The following ZNF827 variants were observed in gnomAD, a reference collection of about 807,000 sequenced individuals.
ZNF827 encodes zinc finger protein 827.
In ZNF827, 13 loss-of-function variants were observed where a neutral mutation model predicts 102.4. The observed-to-expected ratio is 0.13, with a 90% CI of 0.08 to 0.20. The LOEUF (loss-of-function observed/expected upper bound fraction) is 0.20. Ranked by LOEUF, ZNF827 falls within the 10% of genes least tolerant of loss-of-function variation. The pLI is 1.00. For synonymous variants in ZNF827, 523 were observed against 536.2 expected, an observed-to-expected ratio of 0.98 and a Z score of 0.34; for missense variants, 1,103 against 1,344.4, an observed-to-expected ratio of 0.82 and a Z score of 2.81.
rs558344118 is a variant in ZNF827, at chr4:145,885,359, A to C, written c.1747+319T>G. On this transcript the variant is annotated intron_variant, in intron 4 of 14. Coordinates refer to ENST00000508784, the MANE Select transcript of ZNF827 (RefSeq NM_001306215.2). ...GCCCAATGTCACACAAGCAACTGAC[A>C]CAAGCCTGGCTTACCATGTGACCAT... Among the ~76,000 whole-genome samples, 474 of 152,258 alleles carry C rather than the reference A, an allele frequency of 3.1e-3. 3 individuals carry two copies. Among genetic ancestry groups the C allele is most frequent in the Non-Finnish European group, 5.0e-3 (342 of 68,026 alleles).
rs1326672575 is a variant in ZNF827 at position 145,870,400 on chromosome 4, G to A, written c.1826C>T (p.Thr609Ile). Residue 609 changes from threonine (T) to isoleucine (I), a missense_variant, in exon 5 of 15, where the codon ACT (threonine) becomes ATT (isoleucine). Thr to Ile is a moderately conservative substitution (Grantham distance 89, BLOSUM62 -1). This residue lies in a region of ZNF827 where 243 missense variants were observed against 251.6 expected (regional missense o/e 0.97). Coordinates refer to ENST00000508784, the MANE Select transcript of ZNF827 (RefSeq NM_001306215.2). Reference protein sequence around the residue: ...EPKEGESLSTTLPRSSYVFSP... With the variant: ...EPKEGESLSTILPRSSYVFSP... ...GAACACATAGCTGGACCGAGGCAAA[G>A]TCGTGCTTAGGGACTCCCCTTCCTT... 8 of 1,614,012 alleles carry A rather than the reference G, an allele frequency of 5.0e-6. No homozygotes were observed. The highest frequency in any genetic ancestry group is 6.8e-6 in the Non-Finnish European group (8 of 1,180,032).
rs1419896452 is a variant in ZNF827 at position 145,762,462 on chromosome 4, CCTCTGCATT to C, written c.*17+619_*17+627del. Among the ~76,000 whole-genome samples, 1 of 152,208 alleles carries C rather than the reference CCTCTGCATT, an allele frequency of 6.6e-6. No individual in the cohort carries two copies. The highest frequency in any genetic ancestry group is 1.5e-5 in the Non-Finnish European group (1 of 68,040). On this transcript the variant is annotated intron_variant, in intron 14 of 14. Transcript: ENST00000508784. The surrounding 1 kb of genome is among the most constrained non-coding windows in gnomAD (Gnocchi z 4.9). Reference sequence around the variant, plus strand: ...GAGGGCAGGACCATATCTTACATTTCCTCTGCATTCTCTGCAGTGCTTGGTAGAGTACTT... The same window carrying C: ...GAGGGCAGGACCATATCTTACATTTCCTCTGCAGTGCTTGGTAGAGTACTT...
chr4:145,841,438 C>A (rs756525550), intron 7 of ZNF827, among the ~76,000 whole-genome samples: 2 of 152,126 alleles, frequency 1.3e-5, no homozygotes, highest in Non-Finnish European at 2.9e-5. Flanking sequence ...CCTGTAGAAC[C>A]TAGGCTTGTG....
In ZNF827 at chr4:145,932,808, C is replaced by G. The variant is rs1006850326; in HGVS notation, c.43+5557G>C. 2.0e-5 allele frequency among the ~76,000 whole-genome samples: 3 copies of G among 152,232 alleles called. 1 individual carries two copies. Among genetic ancestry groups the G allele is most frequent in the South Asian group, 4.1e-4 (2 of 4,834 alleles). On this transcript the variant is annotated intron_variant, in intron 1 of 14. Coordinates refer to ENST00000508784, the MANE Select transcript of ZNF827 (RefSeq NM_001306215.2). ...AACCAACTTCTGACCTCAGGAGAAG[C>G]CTGCATCGTCACTCCACCAACACAC...
intron 8 of ZNF827, among the ~76,000 whole-genome samples, chr4:145,807,810 A>AC (rs1741623981): frequency 1.3e-5 from 2 of 151,860 alleles, no homozygotes; most frequent in East Asian, 3.9e-4. Context: ...CAAAAAAAAA[A>AC]CAAAAAACAA....
chr4:145,917,777 A>C (rs1276547756), intron 1 of ZNF827, among the ~76,000 whole-genome samples: 1 of 149,852 alleles, frequency 6.7e-6, no homozygotes, highest in Non-Finnish European at 1.5e-5. Flanking sequence ...GACCACTTAT[A>C]TTATTCCTAC....
intron 13 of ZNF827, 188 bp downstream of exon 13, chr4:145,764,800 T>C: frequency 1.4e-6 from 1 of 714,628 alleles, no homozygotes; most frequent in Non-Finnish European, 2.3e-6. Context: ...CTGACATCTG[T>C]TGACACCCTA....
intron 8 of ZNF827, among the ~76,000 whole-genome samples, chr4:145,788,290 C>A (rs1290078729): frequency 6.6e-6 from 1 of 152,096 alleles, no homozygotes; most frequent in Non-Finnish European, 1.5e-5. Flanking sequence ...GAAAACTGGA[C>A]CTTGATTCCT....
At chr4:145,904,839 A>C (rs543395113) in intron 1 of ZNF827, among the ~76,000 whole-genome samples, 3 of 152,248 alleles carry the variant, frequency 2.0e-5, no homozygotes. Context: ...GTACCACTGG[A>C]GGGTTTGTGG....
chr4:145,938,151 G>A (rs999095577), intron 1 of ZNF827, among the ~76,000 whole-genome samples: 4 of 151,698 alleles, frequency 2.6e-5, no homozygotes, highest in Non-Finnish European at 5.9e-5. Context: ...GAAAGAAAAA[G>A]AGAGAGAGAA....
intron 8 of ZNF827, among the ~76,000 whole-genome samples, chr4:145,821,403 T>C (rs1743132900): frequency 6.6e-6 from 1 of 152,228 alleles, no homozygotes; most frequent in Non-Finnish European, 1.5e-5. Flanking sequence ...TAATTCAGGC[T>C]GTTCTCCTCC....
At chr4:145,921,819 T>C (rs1753088700) in intron 1 of ZNF827, among the ~76,000 whole-genome samples, 1 of 152,146 alleles carries the variant, frequency 6.6e-6, no homozygotes, top group African/African-American at 2.4e-5. Context: ...GTCTCCAAGA[T>C]AAATCATGCT....
At chr4:145,851,937 C>T (rs1746576544) in intron 5 of ZNF827, among the ~76,000 whole-genome samples, 1 of 152,224 alleles carries the variant, frequency 6.6e-6, no homozygotes, top group East Asian at 1.9e-4. Context: ...CTGGTGACCT[C>T]ACAGCCATCC....
intron 1 of ZNF827, among the ~76,000 whole-genome samples, chr4:145,914,062 G>GACACAC (rs34866639): frequency 0.16 from 23,536 of 148,070 alleles, 1,895 homozygotes; most frequent in South Asian, 0.22. Context: ...TTTCTTTGTA[G>GACACAC]ACACACACAC....
At chr4:145,869,210 C>T (rs1748472885) in intron 5 of ZNF827, among the ~76,000 whole-genome samples, 1 of 152,198 alleles carries the variant, frequency 6.6e-6, no homozygotes, top group African/African-American at 2.4e-5. Context: ...TTTAACCCCA[C>T]CAACTGGTAA....
At chr4:145,843,271 G>T (rs1745602855) in intron 7 of ZNF827, among the ~76,000 whole-genome samples, 1 of 149,820 alleles carries the variant, frequency 6.7e-6, no homozygotes, top group East Asian at 1.9e-4. Flanking sequence ...TATAAGCCAA[G>T]AATTCTTTAA....
At chr4:145,931,723 T>C (rs1271672194) in intron 1 of ZNF827, among the ~76,000 whole-genome samples, 1 of 152,146 alleles carries the variant, frequency 6.6e-6, no homozygotes, top group Non-Finnish European at 1.5e-5. Context: ...TATTTAAAAA[T>C]GAAGAATGGA....
chr4:145,790,377 T>G (rs1739500769), intron 8 of ZNF827, among the ~76,000 whole-genome samples: 1 of 152,166 alleles, frequency 6.6e-6, no homozygotes, highest in African/African-American at 2.4e-5. Context: ...AATTAAAAAT[T>G]TAATGATTCT....
intron 7 of ZNF827, chr4:145,832,599 C>T (rs1436054413): frequency 6.6e-6 from 1 of 152,212 alleles, no homozygotes; most frequent in Non-Finnish European, 1.5e-5. Context: ...AATGTGAATA[C>T]TGTTTTGAGT....
Sources: allele counts gnomAD v4.1 joint callset (sites outside exome capture counted in the v4.1 genomes callset), GRCh38; gene constraint gnomAD v4.1.1; regional missense constraint gnomAD v4.1.1; non-coding constraint Gnocchi (gnomAD v3.1); transcripts MANE v1.5; gene names NCBI Gene and HGNC (gene_info 2026-07-23, HGNC 2026-07-21).